The following GRIK5 variants were observed in gnomAD, a reference collection of about 807,000 sequenced individuals.
GRIK5 encodes the protein glutamate ionotropic receptor kainate type subunit 5.
Under a neutral mutation model 97.4 loss-of-function variants are expected in GRIK5, and 43 were observed. The ratio of observed to expected loss-of-function variants is 0.44; its 90% CI spans 0.35 to 0.57. GRIK5 has a LOEUF of 0.57. GRIK5 is among the 20% of genes least tolerant of loss of function. The pLI, the probability that GRIK5 is intolerant of heterozygous loss-of-function variation, is 0.01. For synonymous variants in GRIK5, 580 were observed against 583.5 expected, an observed-to-expected ratio of 0.99 and a Z score of 0.09; for missense variants, 1,015 against 1,382.0, an observed-to-expected ratio of 0.73 and a Z score of 4.21.
At chr19:42,060,689 C>T (rs1009052683) in intron 5 of GRIK5, among the ~76,000 whole-genome samples, 1 of 151,938 alleles carries the variant, frequency 6.6e-6, no homozygotes, top group African/African-American at 2.4e-5. Flanking sequence ...CATAGTCTTG[C>T]TATTGTCCTG....
intron 8 of GRIK5, among the ~76,000 whole-genome samples, chr19:42,054,943 C>G (rs1357115707): frequency 2.6e-5 from 4 of 152,006 alleles, no homozygotes. Flanking sequence ...TGGTCGCGGG[C>G]CTGGGAGGCA....
At chr19:42,046,544 T>C (rs754866174) in intron 11 of GRIK5, among the ~76,000 whole-genome samples, 8 of 152,146 alleles carry the variant, frequency 5.3e-5, no homozygotes, top group Non-Finnish European at 8.8e-5. Flanking sequence ...GCATTGCTTG[T>C]AGTGAGAACA....
intron 11 of GRIK5, among the ~76,000 whole-genome samples, chr19:42,050,966 G>A (rs2146132832): frequency 6.6e-6 from 1 of 152,244 alleles, no homozygotes; most frequent in South Asian, 2.1e-4. Flanking sequence ...TGCCCCTCAA[G>A]GCGAGACGCA....
intron 19 of GRIK5, among the ~76,000 whole-genome samples, chr19:42,001,131 G>A (rs1458664703): frequency 6.6e-6 from 1 of 152,168 alleles, no homozygotes; most frequent in African/African-American, 2.4e-5. Context: ...GATAAGTAGG[G>A]ACAGCCCCTA....
In GRIK5 at chr19:42,038,419, T is replaced by A. The variant is rs113413781; in HGVS notation, c.1473+4133A>T. On this transcript the variant is annotated intron_variant, in intron 12 of 19. Coordinates refer to ENST00000593562, the MANE Select transcript of GRIK5 (RefSeq NM_002088.5). Reference sequence around the variant, plus strand: ...GGGCCACCCTGATGGGGTGCCCACCTTGGCTCTCCTGGTCACTAGCCATGG... The same window carrying A: ...GGGCCACCCTGATGGGGTGCCCACCATGGCTCTCCTGGTCACTAGCCATGG... 1.5e-3 allele frequency among the ~76,000 whole-genome samples: 229 copies of A among 152,382 alleles called. 1 individual carries two copies. Among genetic ancestry groups the A allele is most frequent in the African/African-American group, 5.0e-3 (210 of 41,596 alleles).
Position 42,054,361 on chromosome 19 carries a change from T to C in GRIK5, c.1015A>G (p.Ile339Val), listed in dbSNP as rs763178360. 9 of 1,613,178 alleles carry C rather than the reference T, an allele frequency of 5.6e-6. No homozygotes were observed. The East Asian group carries it at 1.6e-4, about 28-fold the overall frequency. Residue 339 changes from isoleucine to valine, a missense_variant, in exon 9 of 20, where the codon ATT becomes GTT. Coordinates refer to ENST00000593562, the MANE Select transcript of GRIK5 (RefSeq NM_002088.5). The part of the protein sequence containing the change: ...VKPLACTSAN[I>V]WPHGTSLMNY... ...ATGAGGCTGGTCCCGTGGGGCCAAA[T>C]GTTGGCCGATGTACAGGCCAGAGGC...
intron 15 of GRIK5, among the ~76,000 whole-genome samples, chr19:42,015,527 T>A (rs937585755): frequency 5.3e-5 from 8 of 152,236 alleles, no homozygotes; most frequent in African/African-American, 1.7e-4. Flanking sequence ...TCCTGTCTTC[T>A]CCATCAATGC....
At position 42,022,812 on chromosome 19, in the gene GRIK5, G is replaced by A. The variant is rs1274184761; in HGVS notation, c.1474-458C>T. ...CCCCGGGTGGGGAGGAAGGGTGCAGGTCAGCATGTGCCCACAGCCAGTGGA... is the reference window on the plus strand; with the variant it reads ...CCCCGGGTGGGGAGGAAGGGTGCAGATCAGCATGTGCCCACAGCCAGTGGA... On this transcript the variant is annotated intron_variant, in intron 12 of 19. Coordinates refer to ENST00000593562, the MANE Select transcript of GRIK5 (RefSeq NM_002088.5). This position sits in a 1 kb window ranked among gnomAD's most constrained non-coding sequence, Gnocchi z 4.2. 1 of 228,494 alleles carries A rather than the reference G, an allele frequency of 4.4e-6. No individual in the cohort carries two copies. The highest frequency in any genetic ancestry group is 1.8e-4 in the East Asian group (1 of 5,454). The allele number at this position is 228,494 out of a possible 1,614,324, so 14.2% of individuals were successfully genotyped here.
intron 1 of GRIK5, among the ~76,000 whole-genome samples, chr19:42,068,151 A>T (rs1372594131): frequency 6.6e-6 from 1 of 152,116 alleles, no homozygotes. Context: ...GCAAGGGGGA[A>T]AAGCACCTGG....
At chr19:42,023,074 G>A (rs957546276) in intron 12 of GRIK5, among the ~76,000 whole-genome samples, 5 of 152,062 alleles carry the variant, frequency 3.3e-5, no homozygotes, top group Non-Finnish European at 7.4e-5. Flanking sequence ...AGAGAGAGGT[G>A]GCACAGGCTG....
Position 41,998,800 on chromosome 19 carries a change from G to C in GRIK5, c.*71C>G. 2 of 784,322 alleles carry C rather than the reference G, an allele frequency of 2.5e-6. No individual in the cohort carries two copies. Among genetic ancestry groups the C allele is most frequent in the African/African-American group, 1.9e-5 (1 of 53,610 alleles). The allele number at this position is 784,322 out of a possible 1,614,324, so 48.6% of individuals were successfully genotyped here. ...CTGTCCCGCGCCCGCTGCGGGAGCG[G>C]AGACTGCTGGGGCCTGGGGCGGGCC... On this transcript the variant is annotated 3_prime_UTR_variant, in exon 20 of 20. Transcript: ENST00000593562.
chr19:42,043,508 C>T (rs941742103), intron 11 of GRIK5, among the ~76,000 whole-genome samples: 2 of 149,402 alleles, frequency 1.3e-5, no homozygotes, highest in South Asian at 2.1e-4. Flanking sequence ...TGGGTTTAAG[C>T]GATTCTCCTG....
In GRIK5 at chr19:42,003,261, G is replaced by A. The variant is rs2075444969; in HGVS notation, c.2514+71C>T. On this transcript the variant is annotated intron_variant, in intron 19 of 19. Coordinates refer to ENST00000593562, the MANE Select transcript of GRIK5 (RefSeq NM_002088.5). The surrounding 1 kb of genome is among the most constrained non-coding windows in gnomAD (Gnocchi z 4.2). ...CCACCCTCCAGGTATGGCTCCCAAT[G>A]CCACAATCTTCACGCACCTCAGCCC... 3 of 1,435,282 alleles carry A rather than the reference G, an allele frequency of 2.1e-6. No homozygotes were observed. Among genetic ancestry groups the A allele is most frequent in the Non-Finnish European group, 2.9e-6 (3 of 1,036,216 alleles). The allele number at this position is 1,435,282 out of a possible 1,614,324, so 88.9% of individuals were successfully genotyped here.
chr19:42,020,229 T>C (rs2075680925), intron 15 of GRIK5, among the ~76,000 whole-genome samples: 1 of 152,208 alleles, frequency 6.6e-6, no homozygotes, highest in Non-Finnish European at 1.5e-5. Flanking sequence ...TCTACTTAGT[T>C]AGGAGAAGGG....
At chr19:42,055,473 A>G (rs1250995608) in intron 8 of GRIK5, among the ~76,000 whole-genome samples, 1 of 152,166 alleles carries the variant, frequency 6.6e-6, no homozygotes, top group Non-Finnish European at 1.5e-5. Flanking sequence ...ATTATCAGAC[A>G]CCTGTTATGA....
rs782052802 is a variant in GRIK5 at position 42,003,571 on chromosome 19, C to T, written c.2376G>A (p.Glu792=). ...WWEGGRCPKE[E]DHRAKGLGME... is the part of the protein sequence containing the mutation. ...GGAACTGACCTTTAGCTCGATGGTC[C>T]TCCTCCTTGGGGCACCGGCCCCCCT... The change falls in exon 18 of 20, where the codon GAG becomes GAA. Residue 792 remains glutamate, a synonymous_variant. Coordinates refer to ENST00000593562, the MANE Select transcript of GRIK5 (RefSeq NM_002088.5). This position sits in a 1 kb window ranked among gnomAD's most constrained non-coding sequence, Gnocchi z 4.2. 6.2e-7 allele frequency: 1 copy of T among 1,611,916 alleles called. No individual in the cohort carries two copies.
intron 12 of GRIK5, among the ~76,000 whole-genome samples, chr19:42,035,186 G>C (rs1022146878): frequency 1.3e-5 from 2 of 151,682 alleles, no homozygotes; most frequent in Non-Finnish European, 2.9e-5. Context: ...TCTCCATGTT[G>C]GTCAGGCTGG....
chr19:42,020,237 G>A (rs2075680991), intron 15 of GRIK5, among the ~76,000 whole-genome samples: 1 of 152,192 alleles, frequency 6.6e-6, no homozygotes, highest in Non-Finnish European at 1.5e-5. Flanking sequence ...GTTAGGAGAA[G>A]GGAAAAACCT....
intron 5 of GRIK5, among the ~76,000 whole-genome samples, chr19:42,059,793 T>C (rs2076235319): frequency 6.6e-6 from 1 of 151,998 alleles, no homozygotes; most frequent in South Asian, 2.1e-4. Flanking sequence ...TCTTGACAGG[T>C]ATCTCATGCT....
Sources: allele counts gnomAD v4.1 joint callset (sites outside exome capture counted in the v4.1 genomes callset), GRCh38; gene constraint gnomAD v4.1.1; non-coding constraint Gnocchi (gnomAD v3.1); transcripts MANE v1.5; gene names NCBI Gene and HGNC (gene_info 2026-07-23, HGNC 2026-07-21).